The following ANGPTL3 variants were observed in gnomAD, a reference collection of about 807,000 sequenced individuals.
ANGPTL3 encodes the protein angiopoietin-related protein 3.
Under a neutral mutation model 52.7 loss-of-function variants are expected in ANGPTL3, and 51 were observed. The ratio of observed to expected loss-of-function variants is 0.97; its 90% CI spans 0.77 to 1.22. The LOEUF (loss-of-function observed/expected upper bound fraction) is 1.22, where lower values mean the gene tolerates loss of function less well. ANGPTL3 is among the 50% of genes most tolerant of loss of function. ANGPTL3 has a pLI of 0.00. For missense variants in ANGPTL3, 506 were observed against 520.7 expected (o/e 0.97, Z 0.27); for synonymous variants, 185 against 179.8 (o/e 1.03, Z -0.23).
chr1:62,603,374 GTTAT>G (rs963920380), intron 5 of ANGPTL3, among the ~76,000 whole-genome samples: 3 of 151,590 alleles, frequency 2.0e-5, no homozygotes, highest in Non-Finnish European at 4.4e-5. Context: ...ATTTATATTT[GTTAT>G]TTGTTTTTAA....
intron 2 of ANGPTL3, among the ~76,000 whole-genome samples, chr1:62,599,202 C>G (rs1443716812): frequency 6.6e-6 from 1 of 151,970 alleles, no homozygotes; most frequent in Non-Finnish European, 1.5e-5. Context: ...CTCTTTAGAC[C>G]AAGATTACCC....
At chr1:62,603,593 T>C (rs1273265219) in intron 5 of ANGPTL3, among the ~76,000 whole-genome samples, 1 of 151,800 alleles carries the variant, frequency 6.6e-6, no homozygotes, top group Non-Finnish European at 1.5e-5. Context: ...ATCTCTTGAC[T>C]GTATATGGAT....
At chr1:62,604,608 TA>T in intron 6 of ANGPTL3, 24 bp from the exon 7 acceptor site, 1 of 1,608,856 alleles carries the variant, frequency 6.2e-7, no homozygotes, top group African/African-American at 1.3e-5. Flanking sequence ...CTGTACCCAT[TA>T]AATTGCATAT....
At position 62,601,068 on chromosome 1, in the gene ANGPTL3, T is replaced by C. The variant is rs1650044877; in HGVS notation, c.607-14T>C. On this transcript the variant is annotated splice_polypyrimidine_tract_variant and intron_variant, in intron 2 of 6. Transcript: ENST00000371129. The stretch of plus-strand genomic sequence containing the variant: ...AGTATCATTTTAAAAAACAGATTTA[T>C]ATTCTTTTATCAGCTCAGAAGGACT... The C allele has an allele frequency of 6.9e-7, 1 of 1,451,284 alleles. No homozygotes were observed. Among genetic ancestry groups the C allele is most frequent in the Non-Finnish European group, 9.7e-7 (1 of 1,032,612 alleles). The allele number at this position is 1,451,284 out of a possible 1,614,324, so 89.9% of individuals were successfully genotyped here.
chr1:62,597,990 G>T lies in ANGPTL3; in HGVS notation c.424G>T (p.Glu142Ter), dbSNP rs779009755. The T allele has an allele frequency of 1.3e-6, 2 of 1,567,624 alleles. No homozygotes were observed. The highest frequency in any genetic ancestry group is 1.7e-6 in the Non-Finnish European group (2 of 1,167,290). Residue 142 changes from glutamate (E) to a stop codon, truncating the protein, a stop_gained, in exon 1 of 7, where the codon GAA (glutamate) becomes TAA (stop). Transcript: ENST00000371129. LOFTEE classifies it high-confidence loss of function. ...ILLQQKVKYLEEQLTNLIQNQ... is the reference protein window; with the variant it reads ...ILLQQKVKYL Reference sequence around the variant, plus strand: ...ACTTCAACAAAAAGTGAAATATTTAGAAGAGCAACTAACTAACTTAATTCA... The same window carrying T: ...ACTTCAACAAAAAGTGAAATATTTATAAGAGCAACTAACTAACTTAATTCA...
chr1:62,602,306 A>G lies in ANGPTL3; in HGVS notation c.857A>G (p.Gln286Arg). Reference protein sequence around the residue: ...VISGSPWTLIQHRIDGSQNFN... With the variant: ...VISGSPWTLIRHRIDGSQNFN... ...TCAGGTAGTCCATGGACATTAATTCAACATCGAATAGATGGATCACAAAAC... is the reference window on the plus strand; with the variant it reads ...TCAGGTAGTCCATGGACATTAATTCGACATCGAATAGATGGATCACAAAAC... Residue 286 changes from glutamine to arginine, a missense_variant, in exon 5 of 7, where the codon CAA (glutamine) becomes CGA (arginine). Gln to Arg is a conservative substitution (Grantham distance 43). Transcript: ENST00000371129. 1 of 1,610,464 alleles carries G rather than the reference A, an allele frequency of 6.2e-7. No individual in the cohort carries two copies.
In ANGPTL3 at chr1:62,601,127, T is replaced by C. The variant is rs771223694; in HGVS notation, c.652T>C (p.Ser218Pro). Residue 218 changes from serine (S) to proline (P), a missense_variant, in exon 3 of 7, where the codon TCC becomes CCC. Transcript: ENST00000371129. ...AGAACCCACAGAAATTTCTCTATCT[T>C]CCAAGCCAAGAGCACCAAGAACTAC... Reference protein sequence around the residue: ...IQEPTEISLSSKPRAPRTTPF... With the variant: ...IQEPTEISLSPKPRAPRTTPF... 6.2e-7 allele frequency: 1 copy of C among 1,610,760 alleles called. No homozygotes were observed. Among genetic ancestry groups the C allele is most frequent in the South Asian group, 1.1e-5 (1 of 90,972 alleles).
rs1402276845 is a variant in ANGPTL3 at position 62,604,009 on chromosome 1, G to A, written c.972G>A (p.Val324=). 3 of 1,613,066 alleles carry A rather than the reference G, an allele frequency of 1.9e-6. No homozygotes were observed. The highest frequency in any genetic ancestry group is 1.1e-5 in the South Asian group (1 of 91,048). The change falls in exon 6 of 7, where the codon GTG becomes GTA. Residue 324 remains valine, a synonymous_variant. Transcript: ENST00000371129. ...WLGLEKIYSI[V]KQSNYVLRIE... is the part of the protein sequence containing the mutation. ...GCCTAGAGAAGATATACTCCATAGT[G>A]AAGCAATCTAATTATGTTTTACGAA... is the stretch of plus-strand genomic sequence containing the variant.
At chr1:62,604,493 ACAGATTATTT>A in intron 6 of ANGPTL3, 130 bp from the exon 7 acceptor site, 1 of 984,010 alleles carries the variant, frequency 1.0e-6, no homozygotes, top group Non-Finnish European at 1.5e-6. Context: ...TGGGACTTAT[ACAGATTATTT>A]AAAACTGGGA....
Position 62,597,826 on chromosome 1 carries a change from T to C in ANGPTL3, c.260T>C (p.Leu87Pro), listed in dbSNP as rs778944989. ...GATCAGTCTTTTTATGATCTATCGCTGCAAACCAGTGAAATCAAAGAAGAA... is the reference window on the plus strand; with the variant it reads ...GATCAGTCTTTTTATGATCTATCGCCGCAAACCAGTGAAATCAAAGAAGAA... ...IFDQSFYDLS[L>P]QTSEIKEEEK... Residue 87 changes from leucine to proline, a missense_variant, in exon 1 of 7, where the codon CTG becomes CCG. Coordinates refer to ENST00000371129, the MANE Select transcript of ANGPTL3 (RefSeq NM_014495.4). 4.3e-6 allele frequency: 7 copies of C among 1,609,296 alleles called. No homozygotes were observed. Among genetic ancestry groups the C allele is most frequent in the Middle Eastern group, 1.7e-4 (1 of 6,016 alleles).
chr1:62,598,020 C>T lies in ANGPTL3; in HGVS notation c.454C>T (p.Gln152Ter). Residue 152 changes from glutamine to a stop codon, truncating the protein, a stop_gained, in exon 1 of 7, where the codon CAA (glutamine) becomes TAA (stop). Transcript: ENST00000371129. LOFTEE classifies it high-confidence loss of function. ...EEQLTNLIQNQPETPEHPEVT... is the reference protein window; with the variant it reads ...EEQLTNLIQN ...GCAACTAACTAACTTAATTCAAAAT[C>T]AACCTGAAACTCCAGAACACCCAGA... is the stretch of plus-strand genomic sequence containing the variant. The T allele has an allele frequency of 1.3e-6, 2 of 1,576,270 alleles. No homozygotes were observed. The highest frequency in any genetic ancestry group is 8.5e-7 in the Non-Finnish European group (1 of 1,169,846).
rs1650855442 is a variant in ANGPTL3, at chr1:62,605,496, CACTATACCTT to C, written c.*681_*690del. 1 of 152,472 alleles carries C rather than the reference CACTATACCTT, an allele frequency of 6.6e-6. No individual in the cohort carries two copies. Among genetic ancestry groups the C allele is most frequent in the African/African-American group, 2.4e-5 (1 of 41,416 alleles). The allele number at this position is 152,472 out of a possible 1,614,324, so 9.4% of individuals were successfully genotyped here. A position where few individuals can be genotyped will look rare whatever the true frequency, so the allele number is the denominator to read the frequency against. ...TCACATTGACTTTAACATGAGGTAT[CACTATACCTT>C]ATTTGTTAAAATATATACTGTATAC... is the stretch of plus-strand genomic sequence containing the variant. On this transcript the variant is annotated 3_prime_UTR_variant, in exon 7 of 7. Transcript: ENST00000371129.
At chr1:62,598,104 T>C in intron 1 of ANGPTL3, 43 bp downstream of exon 1, 1 of 1,499,564 alleles carries the variant, frequency 6.7e-7, no homozygotes, top group Non-Finnish European at 8.9e-7. Flanking sequence ...GTTTTCAATG[T>C]GGATCTTTTA....
In ANGPTL3 at chr1:62,597,842, C is replaced by A; in HGVS notation, c.276C>A (p.Ile92=). ...FYDLSLQTSE[I]KEEEKELRRT... is the part of the protein sequence containing the mutation. ...ATCTATCGCTGCAAACCAGTGAAATCAAAGAAGAAGAAAAGGAACTGAGAA... is the reference window on the plus strand; with the variant it reads ...ATCTATCGCTGCAAACCAGTGAAATAAAAGAAGAAGAAAAGGAACTGAGAA... Residue 92 remains isoleucine (I), a synonymous_variant, in exon 1 of 7, where the codon ATC becomes ATA. Transcript: ENST00000371129. 6.2e-7 allele frequency: 1 copy of A among 1,604,686 alleles called. No individual in the cohort carries two copies. Among genetic ancestry groups the A allele is most frequent in the Admixed American group, 1.7e-5 (1 of 58,622 alleles).
At chr1:62,599,538 T>C (rs1043413808) in intron 2 of ANGPTL3, among the ~76,000 whole-genome samples, 2 of 152,072 alleles carry the variant, frequency 1.3e-5, no homozygotes, top group African/African-American at 4.8e-5. Context: ...ACATAAATTT[T>C]AGTTATTTAT....
At chr1:62,604,551 G>A in intron 6 of ANGPTL3, 82 bp from the exon 7 acceptor site, 2 of 1,394,376 alleles carry the variant, frequency 1.4e-6, no homozygotes, top group Non-Finnish European at 2.0e-6. Context: ...TATAAGAAAG[G>A]AAGATAAACT....
intron 4 of ANGPTL3, among the ~76,000 whole-genome samples, 174 bp downstream of exon 4, chr1:62,602,056 C>T (rs748026946): frequency 6.6e-6 from 1 of 151,412 alleles, no homozygotes; most frequent in Non-Finnish European, 1.5e-5. Flanking sequence ...TTCTCCTTTT[C>T]CTCTAAAATA....
rs774189215 is a variant in ANGPTL3, at chr1:62,601,778, C to T, written c.731C>T (p.Ala244Val). The T allele has an allele frequency of 4.5e-5, 72 of 1,605,294 alleles. No individual in the cohort carries two copies. Among genetic ancestry groups the T allele is most frequent in the Non-Finnish European group, 7.7e-6 (9 of 1,173,682 alleles). The change falls in exon 4 of 7, where the codon GCT becomes GTT. Residue 244 changes from alanine (A) to valine (V), a missense_variant. Coordinates refer to ENST00000371129, the MANE Select transcript of ANGPTL3 (RefSeq NM_014495.4). ...IRNVKHDGIP[A>V]ECTTIYNRGE... is the part of the protein sequence containing the mutation. ...ATTTTATTGATTCTAGGCATTCCTG[C>T]TGAATGTACCACCATTTATAACAGA...
chr1:62,604,099 C>T lies in ANGPTL3; in HGVS notation c.1062C>T (p.His354=), dbSNP rs777489479. Residue 354 remains histidine (H), a synonymous_variant, in exon 6 of 7, where the codon CAC becomes CAT. Coordinates refer to ENST00000371129, the MANE Select transcript of ANGPTL3 (RefSeq NM_014495.4). ...YIEYSFYLGN[H]ETNYTLHLVA... The stretch of plus-strand genomic sequence containing the variant: ...AATATTCTTTTTACTTGGGAAATCA[C>T]GAAACCAACTATACGCTACATCTAG... 24 of 1,613,096 alleles carry T rather than the reference C, an allele frequency of 1.5e-5. No homozygotes were observed. Among genetic ancestry groups the T allele is most frequent in the South Asian group, 9.9e-5 (9 of 91,060 alleles).
Sources: allele counts gnomAD v4.1 joint callset (sites outside exome capture counted in the v4.1 genomes callset), GRCh38; gene constraint gnomAD v4.1.1; transcripts MANE v1.5; gene names NCBI Gene and HGNC (gene_info 2026-07-23, HGNC 2026-07-21).